The following KYNU variants were observed in gnomAD, a reference collection of about 807,000 sequenced individuals.
The protein encoded by KYNU is L-kynurenine hydrolase.
KYNU carries 54 observed loss-of-function variants against 59.2 expected under a neutral mutation model. The ratio of observed to expected loss-of-function variants is 0.91; its 90% confidence interval spans 0.73 to 1.14. KYNU has a LOEUF of 1.14. Ranked by LOEUF, KYNU falls within the 50% of genes most tolerant of loss-of-function variation. The probability of loss-of-function intolerance (pLI) is 0.00; values close to 1 mark genes in which losing one functional copy is unlikely to be tolerated. For missense variants in KYNU, 567 were observed against 554.4 expected, an observed-to-expected ratio of 1.02 and a Z score of -0.23; for synonymous variants, 177 against 192.0, an observed-to-expected ratio of 0.92 and a Z score of 0.65.
chr2:142,961,117 C>T (rs796563685), intron 8 of KYNU, among the ~76,000 whole-genome samples: 10 of 151,170 alleles, frequency 6.6e-5, no homozygotes, highest in South Asian at 2.1e-4. Flanking sequence ...CACTTGAACT[C>T]GGGCGGTGGA....
intron 9 of KYNU, 33 bp from the exon 10 acceptor site, chr2:142,985,914 TA>T (rs779271956): frequency 7.0e-7 from 1 of 1,427,718 alleles, no homozygotes; most frequent in Non-Finnish European, 9.9e-7. Flanking sequence ...TATATTTAAG[TA>T]AACCCACATA....
In KYNU at chr2:143,043,286, C is replaced by G. The variant is rs183840134; in HGVS notation, c.*1114C>G. On this transcript the variant is annotated 3_prime_UTR_variant, in exon 14 of 14. Transcript: ENST00000264170. ...TCTCAAATCTATGGACCTTTCTTAC[C>G]CACTGTGAAAAACCTAAAGTTACAC... 1.1e-3 allele frequency: 171 copies of G among 151,938 alleles called. No individual in the cohort carries two copies. The highest frequency in any genetic ancestry group is 4.1e-3 in the African/African-American group (168 of 41,454). The allele number at this position is 151,938 out of a possible 1,614,324, so 9.4% of individuals were successfully genotyped here.
At chr2:143,005,872 C>T (rs915364403) in intron 10 of KYNU, among the ~76,000 whole-genome samples, 10 of 152,124 alleles carry the variant, frequency 6.6e-5, no homozygotes, top group African/African-American at 2.4e-4. Flanking sequence ...GTAAAGTTTG[C>T]TGCAGTCTAA....
chr2:143,032,711 T>TTGTGTGTGTG (rs61062901), intron 11 of KYNU, among the ~76,000 whole-genome samples: 4,391 of 129,402 alleles, frequency 0.034, 210 homozygotes, highest in African/African-American at 0.089. Flanking sequence ...GCTCCCTCTA[T>TTGTGTGTGTG]TGTGTGTGTG....
chr2:143,036,791 T>C (rs1283781424), intron 12 of KYNU, among the ~76,000 whole-genome samples: 3 of 152,216 alleles, frequency 2.0e-5, no homozygotes, highest in Non-Finnish European at 4.4e-5. Flanking sequence ...AGCCACCTTA[T>C]CTTTTTAAAC....
intron 1 of KYNU, among the ~76,000 whole-genome samples, chr2:142,883,538 A>G (rs1681382491): frequency 2.6e-5 from 4 of 151,784 alleles, no homozygotes; most frequent in Admixed American, 2.6e-4. Flanking sequence ...TGTTTTTTGC[A>G]TATCACAGTT....
intron 8 of KYNU, among the ~76,000 whole-genome samples, chr2:142,972,811 TATAGAGAG>T (rs958894496): frequency 2.0e-4 from 26 of 132,326 alleles, no homozygotes; most frequent in African/African-American, 7.2e-4. Context: ...TATATATATA[TATAGAGAG>T]AGAGAGAGAG....
intron 4 of KYNU, among the ~76,000 whole-genome samples, chr2:142,931,140 C>T (rs539938149): frequency 2.6e-5 from 4 of 152,332 alleles, no homozygotes; most frequent in African/African-American, 4.8e-5. Context: ...ATCTTGCTGG[C>T]GCACGCCGCT....
chr2:142,985,082 A>G lies in KYNU; in HGVS notation c.730-2A>G. On this transcript the variant is annotated splice_acceptor_variant, in intron 8 of 13. Transcript: ENST00000264170. LOFTEE classifies it high-confidence loss of function. ...AAAGCTTATTATTGTGTTCTTCCCT[A>G]GGGTTGTTATGTTGGCTTTGATCTA... 1.3e-6 allele frequency: 2 copies of G among 1,558,958 alleles called. No homozygotes were observed. Among genetic ancestry groups the G allele is most frequent in the Non-Finnish European group, 1.8e-6 (2 of 1,130,270 alleles).
At position 142,976,991 on chromosome 2, in the gene KYNU, G is replaced by A. The variant is rs1245975187; in HGVS notation, c.730-8093G>A. On this transcript the variant is annotated intron_variant, in intron 8 of 13. Coordinates refer to ENST00000264170, the MANE Select transcript of KYNU (RefSeq NM_003937.3). ...AAAGGAATGGCTGGGTTCCAGTAAGGGGCTGTGGACACCAAGGTTTTATCA... is the reference window on the plus strand; with the variant it reads ...AAAGGAATGGCTGGGTTCCAGTAAGAGGCTGTGGACACCAAGGTTTTATCA... Among the ~76,000 whole-genome samples the A allele has an allele frequency of 4.6e-5, 7 of 152,040 alleles. No homozygotes were observed. In the East Asian group the frequency reaches 1.3e-3, roughly 29 times the overall value.
At chr2:142,948,578 T>C (rs1415726092) in intron 4 of KYNU, among the ~76,000 whole-genome samples, 4 of 152,092 alleles carry the variant, frequency 2.6e-5, no homozygotes, top group Admixed American at 2.6e-4. Flanking sequence ...GGCAAAGAGA[T>C]AGCTTGTGTA....
intron 2 of KYNU, among the ~76,000 whole-genome samples, chr2:142,901,430 AGTTC>A (rs1682084869): frequency 1.3e-5 from 2 of 152,050 alleles, no homozygotes; most frequent in African/African-American, 2.4e-5. Flanking sequence ...TTTAATGGAG[AGTTC>A]TGCCTTGTGG....
intron 10 of KYNU, chr2:142,988,830 C>T (rs776726272): frequency 1.4e-5 from 22 of 1,582,774 alleles, no homozygotes; most frequent in Non-Finnish European, 8.7e-7. Context: ...TTATATTGTA[C>T]TTCATTTGCA....
At chr2:142,877,771 T>C (rs1394452250) in intron 1 of KYNU, 35 bp downstream of exon 1, 1 of 152,180 alleles carries the variant, frequency 6.6e-6, no homozygotes, top group African/African-American at 2.4e-5. Flanking sequence ...CTCTCTACCC[T>C]AATGTTTACT....
At chr2:143,024,557 G>T (rs1686498666) in intron 10 of KYNU, among the ~76,000 whole-genome samples, 2 of 151,922 alleles carry the variant, frequency 1.3e-5, no homozygotes, top group South Asian at 4.1e-4. Context: ...TATTGTACAG[G>T]TATTTCTATA....
chr2:143,048,608 T>G lies in KYNU; in HGVS notation c.*6436T>G, dbSNP rs1687210827. On this transcript the variant is annotated 3_prime_UTR_variant, in exon 14 of 14. Coordinates refer to ENST00000264170, the MANE Select transcript of KYNU (RefSeq NM_003937.3). ...AACTTTTAGTGGTAAATTGTATTAG[T>G]CTTTGGGAAAAAACATTTATTGATA... is the stretch of plus-strand genomic sequence containing the variant. 1 of 152,188 alleles carries G rather than the reference T, an allele frequency of 6.6e-6. No homozygotes were observed. The highest frequency in any genetic ancestry group is 1.5e-5 in the Non-Finnish European group (1 of 68,022). The allele number at this position is 152,188 out of a possible 1,614,324, so 9.4% of individuals were successfully genotyped here. A position where few individuals can be genotyped will look rare whatever the true frequency, so the allele number is the denominator to read the frequency against.
intron 1 of KYNU, among the ~76,000 whole-genome samples, chr2:142,879,269 G>A (rs1681209296): frequency 6.6e-6 from 1 of 152,204 alleles, no homozygotes; most frequent in East Asian, 1.9e-4. Context: ...ACCATGCGAA[G>A]TTGTGCAAGT....
intron 1 of KYNU, among the ~76,000 whole-genome samples, chr2:142,880,212 A>G (rs1681245190): frequency 6.6e-6 from 1 of 152,226 alleles, no homozygotes; most frequent in Admixed American, 6.5e-5. Context: ...TCAGTAGGGT[A>G]GAACAGCAAC....
chr2:142,931,168 G>A (rs1021864981), intron 4 of KYNU, among the ~76,000 whole-genome samples: 2 of 152,168 alleles, frequency 1.3e-5, no homozygotes, highest in African/African-American at 4.8e-5. Flanking sequence ...GTAGCCTTGC[G>A]CCTTCGTACT....
Sources: gnomAD v4.1 joint callset for allele counts (sites outside exome capture counted in the v4.1 genomes callset) on GRCh38, gnomAD v4.1.1 for gene constraint, MANE v1.5 for transcripts, NCBI Gene and HGNC (gene_info 2026-07-23, HGNC 2026-07-21) for gene names.